PCDHA11: variants seen among roughly 807,000 people sequenced by gnomAD.
The protein encoded by PCDHA11 is protocadherin alpha 11, also known as protocadherin alpha-11.
In PCDHA11, 61 loss-of-function variants were observed where a neutral mutation model predicts 70.3. That is an observed-to-expected ratio of 0.87 (90% CI 0.71 to 1.07). The LOEUF (loss-of-function observed/expected upper bound fraction) is 1.07, where lower values mean the gene tolerates loss of function less well. PCDHA11 is among the 50% of genes least tolerant of loss of function. PCDHA11 has a pLI of 0.00. For missense variants in PCDHA11, 1,324 were observed against 1,237.5 expected (o/e 1.07, Z -1.05); for synonymous variants, 633 against 555.1 (o/e 1.14, Z -1.97).
intron 1 of PCDHA11, chr5:140,930,358 T>G (rs1253370170): frequency 6.6e-6 from 1 of 152,216 alleles, no homozygotes; most frequent in Non-Finnish European, 1.5e-5. Context: ...AATATTTCAA[T>G]TTATCTGTTA....
rs997332881 is a variant in PCDHA11 at position 140,887,348 on chromosome 5, G to A, written c.2391+15854G>A. On this transcript the variant is annotated intron_variant, in intron 1 of 3. Transcript: ENST00000398640. ...CCTGACCTCGTGATCCACCTGGCTCGGCCTCCCAAAGTGCTGGGATTACAG... is the reference window on the plus strand; with the variant it reads ...CCTGACCTCGTGATCCACCTGGCTCAGCCTCCCAAAGTGCTGGGATTACAG... Among the ~76,000 whole-genome samples, 8 of 151,974 alleles carry A rather than the reference G, an allele frequency of 5.3e-5. 1 individual carries two copies. The highest frequency in any genetic ancestry group is 8.8e-5 in the Non-Finnish European group (6 of 67,980).
Position 140,958,902 on chromosome 5 carries a change from GAA to G in PCDHA11, c.2392-20044_2392-20043del, listed in dbSNP as rs201571519. On this transcript the variant is annotated intron_variant, in intron 1 of 3. Transcript: ENST00000398640. ...GACCAGTAGCTATATAATAGATACA[GAA>G]AAGTCTGCCTGGGTGTGGTGGCTCA... Among the ~76,000 whole-genome samples the G allele has an allele frequency of 8.2e-3, 1,248 of 152,002 alleles. 7 individuals carry two copies. The highest frequency in any genetic ancestry group is 0.021 in the Middle Eastern group (6 of 292).
At chr5:140,968,920 A>G (rs781931367) in intron 1 of PCDHA11, 1 of 1,614,120 alleles carries the variant, frequency 6.2e-7, no homozygotes, top group Admixed American at 1.7e-5. Flanking sequence ...TGTCTTTTAT[A>G]TTTCTTTTGA....
At chr5:140,875,987 TAA>T (rs781909320) in intron 1 of PCDHA11, 4 of 1,613,914 alleles carry the variant, frequency 2.5e-6, no homozygotes, top group Admixed American at 1.7e-5. Context: ...ACCTATGCGT[TAA>T]GTCTAAATGA....
chr5:140,886,847 AG>A lies in PCDHA11; in HGVS notation c.2391+15354del, dbSNP rs1299329603. ...GTCTTGAAAAAAAAAAAAAAAAAAA[AG>A]AAAGGTCTTCCCAACTCCTATATTG... On this transcript the variant is annotated intron_variant, in intron 1 of 3. Transcript: ENST00000398640. Among the ~76,000 whole-genome samples the A allele has an allele frequency of 2.2e-3, 339 of 151,134 alleles. 4 individuals are homozygous for A. Among genetic ancestry groups the A allele is most frequent in the African/African-American group, 7.8e-3 (323 of 41,170 alleles).
intron 3 of PCDHA11, among the ~76,000 whole-genome samples, chr5:141,007,767 G>T (rs1322859075): frequency 6.6e-6 from 1 of 152,142 alleles, no homozygotes; most frequent in African/African-American, 2.4e-5. Context: ...TATTGGCCTG[G>T]AAATGGTACT....
chr5:140,967,391 C>T, intron 1 of PCDHA11: 1 of 1,609,676 alleles, frequency 6.2e-7, no homozygotes, highest in South Asian at 1.1e-5. Flanking sequence ...AGTGCTTGAG[C>T]TGGTGCTGCG....
At chr5:140,969,161 G>A (rs782498682) in intron 1 of PCDHA11, 1 of 1,614,156 alleles carries the variant, frequency 6.2e-7, no homozygotes, top group South Asian at 1.1e-5. Context: ...CTGTCTGACA[G>A]CAGGCTCAGG....
At chr5:140,937,658 A>T (rs1045534345) in intron 1 of PCDHA11, among the ~76,000 whole-genome samples, 2 of 151,280 alleles carry the variant, frequency 1.3e-5, no homozygotes, top group Non-Finnish European at 2.9e-5. Flanking sequence ...CACGCCTGTA[A>T]TCCCAGCACT....
Position 140,870,634 on chromosome 5 carries a change from G to C in PCDHA11, c.1531G>C (p.Ala511Pro). ...RALSSYVSVHAESGKVYALQP... is the reference protein window; with the variant it reads ...RALSSYVSVHPESGKVYALQP... ...GCTGTCGAGCTACGTGTCGGTGCAC[G>C]CGGAGAGCGGCAAGGTGTACGCGCT... The change falls in exon 1 of 4, where the codon GCG becomes CCG. Residue 511 changes from alanine to proline, a missense_variant. By Grantham distance (27) the Ala-to-Pro change is conservative. Coordinates refer to ENST00000398640, the MANE Select transcript of PCDHA11 (RefSeq NM_018902.5). 1 of 1,612,862 alleles carries C rather than the reference G, an allele frequency of 6.2e-7. No homozygotes were observed. The highest frequency in any genetic ancestry group is 8.5e-7 in the Non-Finnish European group (1 of 1,179,788).
intron 3 of PCDHA11, among the ~76,000 whole-genome samples, chr5:140,993,470 ACAC>A: frequency 8.7e-6 from 1 of 115,268 alleles, no homozygotes; most frequent in South Asian, 2.9e-4. Context: ...TCTCACACAC[ACAC>A]ACACACACAC....
At chr5:140,921,353 A>G (rs943655623) in intron 1 of PCDHA11, among the ~76,000 whole-genome samples, 5 of 152,160 alleles carry the variant, frequency 3.3e-5, no homozygotes, top group Non-Finnish European at 5.9e-5. Flanking sequence ...ATATTTGCCT[A>G]TATTCAAGTT....
At chr5:140,925,978 T>G (rs2082847274) in intron 1 of PCDHA11, among the ~76,000 whole-genome samples, 1 of 152,164 alleles carries the variant, frequency 6.6e-6, no homozygotes, top group Admixed American at 6.5e-5. Flanking sequence ...AAAAAAGCCT[T>G]GAGCTCGCTG....
At chr5:140,954,520 A>G (rs1554221455) in intron 1 of PCDHA11, among the ~76,000 whole-genome samples, 1 of 152,192 alleles carries the variant, frequency 6.6e-6, no homozygotes, top group Admixed American at 6.6e-5. Context: ...CCTAATGATC[A>G]GTGATGTTGA....
chr5:140,984,658 A>G (rs1421972508), intron 3 of PCDHA11, among the ~76,000 whole-genome samples: 1 of 152,146 alleles, frequency 6.6e-6, no homozygotes, highest in Non-Finnish European at 1.5e-5. Flanking sequence ...TCCTTCTGGT[A>G]CTTTTAGGTT....
intron 3 of PCDHA11, among the ~76,000 whole-genome samples, chr5:140,984,944 TC>T (rs1554246626): frequency 6.6e-6 from 1 of 151,930 alleles, no homozygotes; most frequent in Non-Finnish European, 1.5e-5. Flanking sequence ...AAATGTCTAA[TC>T]TTTTTTTTTT....
intron 1 of PCDHA11, chr5:140,882,751 T>C: frequency 6.2e-7 from 1 of 1,614,242 alleles, no homozygotes; most frequent in Non-Finnish European, 8.5e-7. Flanking sequence ...CCGATGCAGA[T>C]ATTGGAGTAA....
At chr5:140,941,375 G>A (rs1441847516) in intron 1 of PCDHA11, among the ~76,000 whole-genome samples, 1 of 134,938 alleles carries the variant, frequency 7.4e-6, no homozygotes, top group Non-Finnish European at 1.5e-5. Context: ...GGAGTGTAGT[G>A]ACAGGATTTT....
intron 1 of PCDHA11, chr5:140,928,862 G>A (rs1554206427): frequency 1.2e-6 from 2 of 1,614,166 alleles, no homozygotes; most frequent in Admixed American, 1.7e-5. Context: ...GTGCTGTTGA[G>A]CAACTCTGTC....
Sources: gnomAD v4.1 joint callset for allele counts (sites outside exome capture counted in the v4.1 genomes callset) on GRCh38, gnomAD v4.1.1 for gene constraint, MANE v1.5 for transcripts, NCBI Gene and HGNC (gene_info 2026-07-23, HGNC 2026-07-21) for gene names.